The following DAB1 variants were observed in gnomAD, a reference collection of about 807,000 sequenced individuals.
The protein encoded by DAB1 is DAB adaptor protein 1.
A neutral mutation model predicts 64.6 loss-of-function variants in DAB1; 15 were observed. The ratio of observed to expected loss-of-function variants is 0.23; its 90% CI spans 0.16 to 0.36. DAB1 has a LOEUF of 0.36. DAB1 is among the 10% of genes least tolerant of loss of function. The probability of loss-of-function intolerance (pLI) is 1.00; values close to 1 mark genes in which losing one functional copy is unlikely to be tolerated. For synonymous variants in DAB1, 235 were observed against 251.9 expected (o/e 0.93, Z 0.64); for missense variants, 596 against 706.7 (o/e 0.84, Z 1.78).
intron 9 of DAB1, among the ~76,000 whole-genome samples, chr1:57,031,058 T>C (rs1333126706): frequency 6.6e-6 from 1 of 152,230 alleles, no homozygotes; most frequent in Non-Finnish European, 1.5e-5. Context: ...GCACAACTTT[T>C]AAAATAACCT....
intron 7 of DAB1, among the ~76,000 whole-genome samples, chr1:57,566,424 T>C (rs1158350663): frequency 3.3e-5 from 5 of 151,860 alleles, no homozygotes; most frequent in Non-Finnish European, 7.4e-5. Context: ...ATAACTAAGA[T>C]CAGGGCAGAA....
In DAB1 at chr1:58,409,006, T is replaced by TCTTC. The variant is rs575725683; in HGVS notation, n.258-65604_258-65603insGAAG. Among the ~76,000 whole-genome samples the TCTTC allele has an allele frequency of 2.6e-3, 402 of 152,288 alleles. 1 individual carries two copies. The highest frequency in any genetic ancestry group is 5.4e-3 in the South Asian group (26 of 4,820). ...GGAAACTTGAGGTTTAAGTCAAAGG[T>TCTTC]AAGACTCACACAGAGGTGATCACGT... On this transcript the variant is annotated intron_variant and non_coding_transcript_variant, in intron 3 of 20. Transcript: ENST00000485760.
rs138332005 is a variant in DAB1, at chr1:58,246,089, C to T, written n.310-95501G>A. Among the ~76,000 whole-genome samples the T allele has an allele frequency of 1.7e-3, 250 of 150,374 alleles. 1 individual carries two copies. Among genetic ancestry groups the T allele is most frequent in the African/African-American group, 5.8e-3 (235 of 40,806 alleles). On this transcript the variant is annotated intron_variant and non_coding_transcript_variant, in intron 4 of 20. Transcript: ENST00000485760. ...CTTTTTATTTTATACACTTCCGTAT[C>T]GTTTGAATTTCTAAAAAAAAAGTTT...
At chr1:57,396,090 C>T (rs11207028) in intron 1 of DAB1, among the ~76,000 whole-genome samples, 53,423 of 152,098 alleles carry the variant, frequency 0.35, 9,838 homozygotes, top group Non-Finnish European at 0.41. Context: ...GAGAAAGGCA[C>T]AGCAAGAGCA....
chr1:58,371,388 A>G (rs1391443052), intron 3 of DAB1, among the ~76,000 whole-genome samples: 1 of 152,206 alleles, frequency 6.6e-6, no homozygotes, highest in African/African-American at 2.4e-5. Context: ...GGGTGCTCTT[A>G]ACAGCGTACA....
Position 57,362,093 on chromosome 1 carries a change from T to C in DAB1, c.-137+61837A>G, listed in dbSNP as rs553023432. The stretch of plus-strand genomic sequence containing the variant: ...AGAAGGACATGTCGAAGAATGAATA[T>C]ATTAATTTGTTCCATATGAGATACC... On this transcript the variant is annotated intron_variant, in intron 1 of 14. Transcript: ENST00000371236. Among the ~76,000 whole-genome samples the C allele has an allele frequency of 1.1e-4, 16 of 152,266 alleles. No homozygotes were observed. The South Asian group carries it at 2.7e-3, about 26-fold the overall frequency.
At chr1:58,048,568 A>G in intron 5 of DAB1, 1 of 1,027,256 alleles carries the variant, frequency 9.7e-7, no homozygotes, top group Non-Finnish European at 1.5e-6. Flanking sequence ...CATTATAACC[A>G]TCCCCACTGC....
chr1:58,267,077 G>A (rs377629738), intron 4 of DAB1, among the ~76,000 whole-genome samples: 7 of 152,104 alleles, frequency 4.6e-5, no homozygotes, highest in South Asian at 2.1e-4. Context: ...AAAATTGGCC[G>A]GGCATCATGG....
At chr1:57,746,849 T>C (rs533912178) in intron 6 of DAB1, among the ~76,000 whole-genome samples, 4 of 151,818 alleles carry the variant, frequency 2.6e-5, no homozygotes, top group East Asian at 1.9e-4. Flanking sequence ...GTCATGGATA[T>C]GGAGGGCTAA....
chr1:57,726,167 G>C (rs76326847), intron 6 of DAB1, among the ~76,000 whole-genome samples: 219 of 152,340 alleles, frequency 1.4e-3, no homozygotes, highest in South Asian at 4.8e-3. Context: ...ACTTAGGGGA[G>C]AAAATAGAAG....
intron 5 of DAB1, among the ~76,000 whole-genome samples, chr1:58,096,275 T>C (rs1246595850): frequency 6.6e-6 from 1 of 152,214 alleles, no homozygotes; most frequent in Non-Finnish European, 1.5e-5. Context: ...ATGGCCTCTT[T>C]TTGGTTTACT....
At chr1:57,287,625 A>G (rs187836774) in intron 2 of DAB1, among the ~76,000 whole-genome samples, 4 of 152,322 alleles carry the variant, frequency 2.6e-5, no homozygotes, top group African/African-American at 7.2e-5. Flanking sequence ...GGTTATATTC[A>G]AAATTCAATA....
At chr1:57,422,382 GCCCCCGT>G (rs1684986003) in intron 1 of DAB1, among the ~76,000 whole-genome samples, 1 of 144,698 alleles carries the variant, frequency 6.9e-6, no homozygotes, top group South Asian at 2.3e-4. Flanking sequence ...CCCCGGGCTC[GCCCCCGT>G]CCAGCTCCCA....
At chr1:57,503,998 G>A (rs1028568162) in intron 7 of DAB1, among the ~76,000 whole-genome samples, 1 of 152,168 alleles carries the variant, frequency 6.6e-6, no homozygotes, top group African/African-American at 2.4e-5. Context: ...GAAATGCTTA[G>A]AATAGTGCAT....
chr1:57,244,146 T>C (rs2100490336), intron 2 of DAB1, among the ~76,000 whole-genome samples: 1 of 152,334 alleles, frequency 6.6e-6, no homozygotes, highest in East Asian at 1.9e-4. Flanking sequence ...CTCTCTTATT[T>C]TTTATTCCAA....
intron 3 of DAB1, among the ~76,000 whole-genome samples, chr1:58,343,857 T>C (rs1643967107): frequency 6.6e-6 from 1 of 152,206 alleles, no homozygotes. Context: ...TTCTGACCAT[T>C]GTTAAGAAAT....
intron 7 of DAB1, among the ~76,000 whole-genome samples, chr1:57,496,822 G>T (rs529554297): frequency 6.6e-6 from 1 of 152,232 alleles, no homozygotes; most frequent in African/African-American, 2.4e-5. Flanking sequence ...GGCAGAACTG[G>T]GATTGGAGCC....
chr1:58,159,984 A>G (rs1247873687), intron 4 of DAB1, among the ~76,000 whole-genome samples: 2 of 152,248 alleles, frequency 1.3e-5, no homozygotes, highest in African/African-American at 4.8e-5. Context: ...AGGAGGAAAT[A>G]AAAGAAGATA....
intron 4 of DAB1, among the ~76,000 whole-genome samples, chr1:58,334,256 C>T (rs1663046358): frequency 6.6e-6 from 1 of 152,152 alleles, no homozygotes; most frequent in Non-Finnish European, 1.5e-5. Flanking sequence ...ATGTCCTAAA[C>T]ATTGGTCACT....
Sources: gnomAD v4.1 joint callset for allele counts (sites outside exome capture counted in the v4.1 genomes callset) on GRCh38, gnomAD v4.1.1 for gene constraint, MANE v1.5 for transcripts, NCBI Gene and HGNC (gene_info 2026-07-23, HGNC 2026-07-21) for gene names.